The following HCRTR2 variants were observed in gnomAD, a reference collection of about 807,000 sequenced individuals.
HCRTR2 encodes the protein orexin receptor type 2.
In HCRTR2, 22 loss-of-function variants were observed where a neutral mutation model predicts 49.0. The ratio of observed to expected loss-of-function variants is 0.45; its 90% confidence interval spans 0.32 to 0.64. The LOEUF is 0.64. Among genes scored for constraint, HCRTR2 ranks in the 30% least tolerant of loss-of-function variants. The pLI, the probability that HCRTR2 is intolerant of heterozygous loss-of-function variation, is 0.04. For synonymous variants in HCRTR2, 236 were observed against 205.3 expected (o/e 1.15, Z -1.28); for missense variants, 491 against 559.4 (o/e 0.88, Z 1.23).
chr6:55,137,357 A>G (rs1489321353), intron 1 of HCRTR2, among the ~76,000 whole-genome samples: 1 of 152,206 alleles, frequency 6.6e-6, no homozygotes, highest in Non-Finnish European at 1.5e-5. Context: ...TTGCTCTGAG[A>G]TTACGGACAA....
intron 5 of HCRTR2, among the ~76,000 whole-genome samples, chr6:55,278,371 G>A (rs1271457929): frequency 1.3e-5 from 2 of 152,100 alleles, no homozygotes; most frequent in African/African-American, 2.4e-5. Flanking sequence ...TTTACAACAG[G>A]CTTCGAACTT....
At chr6:55,216,511 C>T (rs773777031) in intron 1 of HCRTR2, among the ~76,000 whole-genome samples, 4 of 152,026 alleles carry the variant, frequency 2.6e-5, no homozygotes, top group Admixed American at 6.5e-5. Context: ...ATTCCCTTGT[C>T]GAAAGGGAAA....
intron 1 of HCRTR2, among the ~76,000 whole-genome samples, chr6:55,176,813 A>C (rs570365494): frequency 6.6e-6 from 1 of 152,314 alleles, no homozygotes; most frequent in East Asian, 1.9e-4. Context: ...TCTCCTCTGC[A>C]TCAACGCCCA....
chr6:55,212,720 C>G (rs1019468111), intron 1 of HCRTR2, among the ~76,000 whole-genome samples: 2 of 152,098 alleles, frequency 1.3e-5, no homozygotes. Flanking sequence ...GATGCTGAAC[C>G]AACCCTGAGA....
At chr6:55,233,418 T>A (rs1398283254) in intron 1 of HCRTR2, among the ~76,000 whole-genome samples, 1 of 152,168 alleles carries the variant, frequency 6.6e-6, no homozygotes, top group Non-Finnish European at 1.5e-5. Flanking sequence ...GGGATCATTG[T>A]ACATTATTAT....
At chr6:55,140,724 A>C (rs1007048426) in intron 1 of HCRTR2, among the ~76,000 whole-genome samples, 1 of 152,236 alleles carries the variant, frequency 6.6e-6, no homozygotes, top group Non-Finnish European at 1.5e-5. Context: ...ACTGAAGTAC[A>C]TATACAAAAG....
intron 1 of HCRTR2, among the ~76,000 whole-genome samples, chr6:55,185,556 GATGATATGA>G (rs1172089932): frequency 6.6e-6 from 1 of 152,150 alleles, no homozygotes; most frequent in Non-Finnish European, 1.5e-5. Context: ...TTGGGGATTG[GATGATATGA>G]ATAATATAAT....
chr6:55,156,936 A>G (rs1007660079), intron 1 of HCRTR2, among the ~76,000 whole-genome samples: 1 of 152,170 alleles, frequency 6.6e-6, no homozygotes, highest in African/African-American at 2.4e-5. Context: ...ATCATATTTA[A>G]TGGTGGAAGA....
At chr6:55,240,558 A>G (rs1157227746) in intron 1 of HCRTR2, among the ~76,000 whole-genome samples, 2 of 152,022 alleles carry the variant, frequency 1.3e-5, no homozygotes, top group African/African-American at 4.8e-5. Context: ...GTGTAGGTGG[A>G]GAATGGGAGA....
chr6:55,197,830 C>G (rs1470278372), intron 1 of HCRTR2, among the ~76,000 whole-genome samples: 1 of 152,078 alleles, frequency 6.6e-6, no homozygotes, highest in South Asian at 2.1e-4. Flanking sequence ...ACCCTGTTAG[C>G]AAGGATGGTC....
upstream of HCRTR2, chr6:55,174,267 T>C (rs898918917): frequency 7.4e-6 from 3 of 403,628 alleles, no homozygotes; most frequent in Admixed American, 3.6e-5. Flanking sequence ...AGTGCTGGAA[T>C]GAGGAGTAAT....
chr6:55,138,342 C>A lies in HCRTR2; in HGVS notation c.-378+31797C>A, dbSNP rs1764459654. ...AGCAAGTAAGATAAACTTCTTTTAA[C>A]AAAATTCTGTAAATCTGAGATCCTG... On this transcript the variant is annotated intron_variant, in intron 1 of 7. Coordinates refer to the HCRTR2 transcript ENST00000615358. Among the ~76,000 whole-genome samples, 2 of 152,068 alleles carry A rather than the reference C, an allele frequency of 1.3e-5. 1 individual carries two copies. Among genetic ancestry groups the A allele is most frequent in the African/African-American group, 4.8e-5 (2 of 41,404 alleles).
intron 5 of HCRTR2, among the ~76,000 whole-genome samples, chr6:55,280,025 TAAA>T (rs942598799): frequency 1.3e-5 from 2 of 152,140 alleles, no homozygotes; most frequent in African/African-American, 4.8e-5. Context: ...GAAAATGAAA[TAAA>T]GAAGATATAT....
intron 1 of HCRTR2, among the ~76,000 whole-genome samples, chr6:55,218,022 A>G (rs1039120440): frequency 6.6e-6 from 1 of 152,212 alleles, no homozygotes; most frequent in African/African-American, 2.4e-5. Context: ...GTATCTGGTG[A>G]GAATCTTCTC....
At chr6:55,214,796 A>G (rs564625683) in intron 1 of HCRTR2, among the ~76,000 whole-genome samples, 1 of 152,040 alleles carries the variant, frequency 6.6e-6, no homozygotes, top group Non-Finnish European at 1.5e-5. Context: ...GAATATGATA[A>G]CCAAATTGAA....
intron 1 of HCRTR2, among the ~76,000 whole-genome samples, chr6:55,114,444 A>G (rs1326524610): frequency 6.6e-6 from 1 of 151,732 alleles, no homozygotes; most frequent in Non-Finnish European, 1.5e-5. Flanking sequence ...TGTTAACAGT[A>G]TTTCCTCCCA....
intron 1 of HCRTR2, among the ~76,000 whole-genome samples, chr6:55,120,356 A>G (rs9475150): frequency 0.033 from 5,039 of 152,002 alleles, 280 homozygotes; most frequent in African/African-American, 0.11. Flanking sequence ...CAGTATGGCC[A>G]TTTTCATGAT....
chr6:55,162,675 G>C, intron 1 of HCRTR2, among the ~76,000 whole-genome samples: 1 of 152,280 alleles, frequency 6.6e-6, no homozygotes, highest in African/African-American at 2.4e-5. Context: ...AAAATCACAA[G>C]CATTTCTATA....
intron 1 of HCRTR2, among the ~76,000 whole-genome samples, chr6:55,226,159 A>G (rs1049308366): frequency 6.6e-6 from 1 of 152,178 alleles, no homozygotes; most frequent in Non-Finnish European, 1.5e-5. Flanking sequence ...TTATGCCTTG[A>G]GATTTTTCTT....
Sources: allele counts gnomAD v4.1 joint callset (sites outside exome capture counted in the v4.1 genomes callset), GRCh38; gene constraint gnomAD v4.1.1; transcripts MANE v1.5; gene names NCBI Gene and HGNC (gene_info 2026-07-23, HGNC 2026-07-21).